Variants in SLC25A29 observed in about 807,000 individuals in gnomAD.
The protein encoded by SLC25A29 is solute carrier family 25 member 29, also known as mitochondrial basic amino acids transporter.
A neutral mutation model predicts 10.0 loss-of-function variants in SLC25A29; 13 were observed. The ratio of observed to expected loss-of-function variants is 1.30; its 90% confidence interval spans 0.85 to 2.07. The LOEUF (loss-of-function observed/expected upper bound fraction) is 2.07, where lower values mean the gene tolerates loss of function less well. Ranked by LOEUF, SLC25A29 falls within the 30% of genes most tolerant of loss-of-function variation. The probability of loss-of-function intolerance (pLI) is 0.00; values close to 1 mark genes in which losing one functional copy is unlikely to be tolerated. For synonymous variants in SLC25A29, 244 were observed against 221.1 expected, an observed-to-expected ratio of 1.10 and a Z score of -0.92; for missense variants, 475 against 447.6, an observed-to-expected ratio of 1.06 and a Z score of -0.55.
chr14:100,286,486 G>T (rs1316239202), downstream of SLC25A29, among the ~76,000 whole-genome samples: 1 of 122,364 alleles, frequency 8.2e-6, no homozygotes, highest in Non-Finnish European at 1.8e-5. Flanking sequence ...GGGGGGTGTT[G>T]CTTGCAGAGG....
chr14:100,278,775 A>T, the SLC25A29 span: 4 of 152,304 alleles, frequency 2.6e-5, no homozygotes, highest in African/African-American at 9.6e-5. Context: ...TGAGTGAAGC[A>T]TCTGTACCAC....
chr14:100,306,213 G>T lies in SLC25A29; in HGVS notation c.20C>A (p.Ala7Asp). The T allele has an allele frequency of 1.3e-6, 2 of 1,515,308 alleles. No homozygotes were observed. Among genetic ancestry groups the T allele is most frequent in the Non-Finnish European group, 8.8e-7 (1 of 1,138,758 alleles). The allele number at this position is 1,515,308 out of a possible 1,614,324, so 93.9% of individuals were successfully genotyped here. A position where few individuals can be genotyped will look rare whatever the true frequency, so the allele number is the denominator to read the frequency against. ...CGCCTCCTTACCCCCCGCGCATCCA[G>T]CCAAGAAGTCCAGCGCCATGGCCGG... Reference protein sequence around the residue: MALDFLAGCAGGVAGVL... With the variant: MALDFLDGCAGGVAGVL... Residue 7 changes from alanine (A) to aspartate (D), a missense_variant, in exon 1 of 4, where the codon GCT becomes GAT. Transcript: ENST00000359232.
At position 100,292,465 on chromosome 14, in the gene SLC25A29, A is replaced by G. The variant is rs753684524; in HGVS notation, c.730T>C (p.Trp244Arg). The change falls in exon 4 of 4, where the codon TGG (tryptophan) becomes CGG (arginine). Residue 244 changes from tryptophan (W) to arginine (R), a missense_variant. Coordinates refer to ENST00000359232, the MANE Select transcript of SLC25A29 (RefSeq NM_001039355.3). ...GCCAGCCCCCGTGTGAAGACGCGCC[A>G]GCCCTCGGCGCGGTAGCTCTGGTGC... ...CVHQSYRAEGWRVFTRGLAST... is the reference protein window; with the variant it reads ...CVHQSYRAEGRRVFTRGLAST... 8 of 1,580,948 alleles carry G rather than the reference A, an allele frequency of 5.1e-6. No homozygotes were observed. The Admixed American group carries it at 1.1e-4, about 21-fold the overall frequency.
At chr14:100,296,003 T>C (rs1205281178) in intron 2 of SLC25A29, 4 of 1,289,074 alleles carry the variant, frequency 3.1e-6, no homozygotes, top group Non-Finnish European at 4.0e-6. Flanking sequence ...CCTGGGGGAA[T>C]AAACTGTGAC....
In SLC25A29 at chr14:100,292,716, C is replaced by A. The variant is rs766435527; in HGVS notation, c.479G>T (p.Arg160Leu). The change falls in exon 4 of 4, where the codon CGT (arginine) becomes CTT (leucine). Residue 160 changes from arginine (R) to leucine (L), a missense_variant. Transcript: ENST00000359232. ...GTAGACGCCGAAGCTGGGCGTCTCA[C>A]GCAGCAACGTGGACACCATGCCCCG... ...VNRGMVSTLL[R>L]ETPSFGVYFL... 1.9e-6 allele frequency: 3 copies of A among 1,602,136 alleles called. No homozygotes were observed. The highest frequency in any genetic ancestry group is 8.5e-7 in the Non-Finnish European group (1 of 1,175,470).
rs1257366864 is a variant in SLC25A29 at position 100,292,010 on chromosome 14, C to T, written c.*273G>A. 3 of 484,968 alleles carry T rather than the reference C, an allele frequency of 6.2e-6. No homozygotes were observed. The highest frequency in any genetic ancestry group is 1.1e-5 in the Non-Finnish European group (3 of 272,026). The allele number at this position is 484,968 out of a possible 1,614,324, so 30.0% of individuals were successfully genotyped here. ...TTCCAGGATAACGGTGCAATGGCCT[C>T]AGCCAGGCCAGGTGCTGGCTGCTGC... On this transcript the variant is annotated 3_prime_UTR_variant, in exon 4 of 4. Transcript: ENST00000359232.
chr14:100,281,028 C>G, the SLC25A29 span: 1 of 137,068 alleles, frequency 7.3e-6, no homozygotes, highest in Non-Finnish European at 1.5e-5. Context: ...CCACTGCACT[C>G]CAGCCTGGGT....
intron 1 of SLC25A29, among the ~76,000 whole-genome samples, chr14:100,300,833 G>T (rs984959791): frequency 1.3e-5 from 2 of 152,128 alleles, no homozygotes; most frequent in African/African-American, 4.8e-5. Context: ...TATGTAAATG[G>T]TTTATTTTAC....
chr14:100,304,163 G>A (rs768553374), intron 1 of SLC25A29, among the ~76,000 whole-genome samples: 6 of 152,188 alleles, frequency 3.9e-5, no homozygotes, highest in African/African-American at 1.2e-4. Context: ...TATCTGCCCT[G>A]AGCCTGTAGG....
At chr14:100,301,129 G>C (rs1291812517) in intron 1 of SLC25A29, among the ~76,000 whole-genome samples, 1 of 151,384 alleles carries the variant, frequency 6.6e-6, no homozygotes, top group Non-Finnish European at 1.5e-5. Flanking sequence ...TCGATCTCCT[G>C]ACCTTGTGGC....
downstream of SLC25A29, among the ~76,000 whole-genome samples, chr14:100,288,127 A>T (rs778415098): frequency 6.6e-6 from 1 of 152,168 alleles, no homozygotes; most frequent in Non-Finnish European, 1.5e-5. Context: ...TCATGCCTGT[A>T]ATCTCAGCAT....
At chr14:100,300,332 GCTTT>G (rs1308285449) in intron 1 of SLC25A29, among the ~76,000 whole-genome samples, 1 of 152,132 alleles carries the variant, frequency 6.6e-6, no homozygotes. Context: ...TGCCAGTTCT[GCTTT>G]CTCTTTGGTT....
chr14:100,302,062 T>C (rs1892596965), intron 1 of SLC25A29, among the ~76,000 whole-genome samples: 1 of 151,698 alleles, frequency 6.6e-6, no homozygotes, highest in African/African-American at 2.4e-5. Flanking sequence ...TTTTTTTTTT[T>C]TGAGACAGAG....
At chr14:100,299,562 G>A (rs921170475) in intron 1 of SLC25A29, 2 of 985,596 alleles carry the variant, frequency 2.0e-6, no homozygotes, top group African/African-American at 3.5e-5. Context: ...GGTTCTTCAG[G>A]TCCTGCCAAA....
In SLC25A29 at chr14:100,306,116, C is replaced by T. The variant is rs1041014088; in HGVS notation, c.34+83G>A. The T allele has an allele frequency of 6.6e-6, 7 of 1,059,824 alleles. 1 individual carries two copies. In the African/African-American group the frequency reaches 8.4e-5, roughly 13 times the overall value. The allele number at this position is 1,059,824 out of a possible 1,614,324, so 65.7% of individuals were successfully genotyped here. On this transcript the variant is annotated intron_variant, in intron 1 of 3. Transcript: ENST00000359232. ...CGCGGCGACCCCCGCCAGCGGGAAG[C>T]CGCGAGGCCAGGGCGTGCTGGTGGG...
intron 2 of SLC25A29, chr14:100,295,492 C>T (rs1172188442): frequency 3.7e-6 from 4 of 1,070,298 alleles, no homozygotes; most frequent in East Asian, 1.2e-4. Flanking sequence ...GCCCCCACCC[C>T]AGGACCTGTG....
chr14:100,298,948 C>G, intron 1 of SLC25A29, 63 bp from the exon 2 acceptor site: 1 of 1,593,616 alleles, frequency 6.3e-7, no homozygotes, highest in South Asian at 1.1e-5. Context: ...GGGTGCTGGG[C>G]AGGAGGGGGT....
the SLC25A29 span, chr14:100,282,518 C>T: frequency 3.3e-5 from 5 of 152,142 alleles, no homozygotes; most frequent in Admixed American, 1.3e-4. Context: ...TGTTTTTATT[C>T]GCTTTCTGGT....
chr14:100,288,962 G>A (rs1244815351), downstream of SLC25A29, among the ~76,000 whole-genome samples: 1 of 152,176 alleles, frequency 6.6e-6, no homozygotes, highest in Non-Finnish European at 1.5e-5. Context: ...ACAGTAGGGT[G>A]GGCCCTTAAT....
Sources: gnomAD v4.1 joint callset for allele counts (sites outside exome capture counted in the v4.1 genomes callset) on GRCh38, gnomAD v4.1.1 for gene constraint, MANE v1.5 for transcripts, NCBI Gene and HGNC (gene_info 2026-07-23, HGNC 2026-07-21) for gene names.